CA10: variants seen among roughly 807,000 people sequenced by gnomAD.
CA10 encodes the protein carbonic anhydrase-related protein 10.
A neutral mutation model predicts 44.2 loss-of-function variants in CA10; 14 were observed. The observed-to-expected ratio is 0.32, with a 90% CI of 0.21 to 0.50. CA10 has a LOEUF of 0.50. CA10 is among the 20% of genes least tolerant of loss of function. The pLI, the probability that CA10 is intolerant of heterozygous loss-of-function variation, is 0.99. For synonymous variants in CA10, 159 were observed against 141.6 expected (o/e 1.12, Z -0.87); for missense variants, 350 against 409.7 (o/e 0.85, Z 1.26).
At chr17:51,913,520 G>A (rs1003711702) in intron 3 of CA10, among the ~76,000 whole-genome samples, 3 of 152,168 alleles carry the variant, frequency 2.0e-5, no homozygotes, top group Admixed American at 2.0e-4. Context: ...CTCGAAAGAA[G>A]ACTAAAGTCC....
chr17:52,003,351 A>C (rs1230002923), intron 2 of CA10, among the ~76,000 whole-genome samples: 5 of 151,854 alleles, frequency 3.3e-5, no homozygotes, highest in Non-Finnish European at 7.4e-5. Flanking sequence ...GGTTCCCATA[A>C]TACCTTATCA....
chr17:51,670,214 G>C (rs1914365190), intron 4 of CA10, among the ~76,000 whole-genome samples: 1 of 152,184 alleles, frequency 6.6e-6, no homozygotes, highest in African/African-American at 2.4e-5. Flanking sequence ...CAATTTAAAA[G>C]AATTATAGTA....
At chr17:52,018,363 C>A (rs367943534) in intron 2 of CA10, among the ~76,000 whole-genome samples, 1 of 152,234 alleles carries the variant, frequency 6.6e-6, no homozygotes, top group African/African-American at 2.4e-5. Flanking sequence ...CTGTACCCTG[C>A]AAAGCCATAG....
chr17:52,054,685 T>C (rs1280454923), intron 2 of CA10, among the ~76,000 whole-genome samples: 1 of 151,994 alleles, frequency 6.6e-6, no homozygotes, highest in Non-Finnish European at 1.5e-5. Context: ...CTCTCTTTTG[T>C]ACTCTTTCCC....
intron 3 of CA10, among the ~76,000 whole-genome samples, chr17:51,828,526 T>TA (rs530080524): frequency 3.5e-4 from 53 of 150,506 alleles, no homozygotes; most frequent in East Asian, 2.1e-3. Flanking sequence ...GGGTAGATAC[T>TA]AAAAAAAAAA....
At chr17:51,964,125 G>A (rs192555130) in intron 2 of CA10, among the ~76,000 whole-genome samples, 9 of 151,862 alleles carry the variant, frequency 5.9e-5, no homozygotes, top group African/African-American at 9.6e-5. Context: ...CTTAAATTGC[G>A]TAAAACAGAC....
intron 2 of CA10, among the ~76,000 whole-genome samples, chr17:52,015,143 C>A (rs886704537): frequency 2.0e-5 from 3 of 151,992 alleles, no homozygotes; most frequent in Admixed American, 6.6e-5. Flanking sequence ...CAAGAAAACA[C>A]AGAACACAAA....
chr17:51,857,630 T>C (rs904617750), intron 3 of CA10, among the ~76,000 whole-genome samples: 6 of 152,090 alleles, frequency 3.9e-5, no homozygotes, highest in Non-Finnish European at 7.4e-5. Context: ...CAACAAACTA[T>C]TAGCAAAAAA....
chr17:52,123,033 T>C (rs935419168), intron 1 of CA10, among the ~76,000 whole-genome samples: 1 of 152,180 alleles, frequency 6.6e-6, no homozygotes, highest in African/African-American at 2.4e-5. Context: ...TATCTGAATT[T>C]GCCAATCATA....
At chr17:51,904,794 A>G (rs1981471745) in intron 3 of CA10, among the ~76,000 whole-genome samples, 1 of 151,960 alleles carries the variant, frequency 6.6e-6, no homozygotes, top group South Asian at 2.1e-4. Context: ...TCTGCTTCTC[A>G]TGCCTATCGG....
rs138795284 is a variant in CA10 at position 51,911,265 on chromosome 17, G to A, written c.279+19725C>T. On this transcript the variant is annotated intron_variant, in intron 3 of 8. Coordinates refer to ENST00000451037, the MANE Select transcript of CA10 (RefSeq NM_020178.5). ...GAAGACTCATGAGCAAGAAATACAC[G>A]CTGATGTTTTATACCACTGAGATTT... Among the ~76,000 whole-genome samples the A allele has an allele frequency of 8.9e-3, 1,348 of 152,172 alleles. 20 individuals are homozygous for A. Among genetic ancestry groups the A allele is most frequent in the African/African-American group, 0.026 (1,074 of 41,528 alleles).
chr17:52,126,413 AT>A (rs1438729332), intron 1 of CA10, among the ~76,000 whole-genome samples: 1 of 152,334 alleles, frequency 6.6e-6, no homozygotes, highest in African/African-American at 2.4e-5. Context: ...TCCATCAGTC[AT>A]TTAGATGTTT....
At chr17:51,907,480 G>GTA (rs1009121081) in intron 3 of CA10, among the ~76,000 whole-genome samples, 2 of 151,924 alleles carry the variant, frequency 1.3e-5, no homozygotes, top group Non-Finnish European at 2.9e-5. Flanking sequence ...ATATATGTGT[G>GTA]TATATATATC....
At position 51,649,203 on chromosome 17, in the gene CA10, T is replaced by C. The variant is rs767927757; in HGVS notation, c.613A>G (p.Ile205Val). The C allele has an allele frequency of 6.2e-7, 1 of 1,613,056 alleles. No individual in the cohort carries two copies. The highest frequency in any genetic ancestry group is 1.3e-5 in the African/African-American group (1 of 74,900). ...FLNRMLNRDT[I>V]TRITYKNDAY... Reference sequence around the variant, plus strand: ...TTACTTTTATATGTTATTCTTGTGATAGTATCTCTGTTGAGCATTCGATTA... The same window carrying C: ...TTACTTTTATATGTTATTCTTGTGACAGTATCTCTGTTGAGCATTCGATTA... Residue 205 changes from isoleucine (I) to valine (V), a missense_variant, in exon 6 of 9, where the codon ATC becomes GTC. Coordinates refer to ENST00000451037, the MANE Select transcript of CA10 (RefSeq NM_020178.5).
chr17:51,722,037 TAGG>T (rs1459374522), intron 4 of CA10, among the ~76,000 whole-genome samples: 2 of 152,140 alleles, frequency 1.3e-5, no homozygotes, highest in African/African-American at 4.8e-5. Flanking sequence ...GCCTCTGAAG[TAGG>T]AGGAGTCTGA....
At chr17:52,026,709 G>T (rs2144164309) in intron 2 of CA10, among the ~76,000 whole-genome samples, 1 of 152,230 alleles carries the variant, frequency 6.6e-6, no homozygotes, top group Admixed American at 6.5e-5. Context: ...AAAACCCTGA[G>T]ATTTCAAGAG....
At chr17:52,111,994 T>C (rs1005556485) in intron 1 of CA10, among the ~76,000 whole-genome samples, 3 of 152,186 alleles carry the variant, frequency 2.0e-5, no homozygotes, top group South Asian at 4.2e-4. Context: ...GAGTGGCCAA[T>C]AGATAACATA....
At chr17:51,787,800 G>T (rs969200687) in intron 3 of CA10, among the ~76,000 whole-genome samples, 5 of 152,254 alleles carry the variant, frequency 3.3e-5, no homozygotes, top group African/African-American at 1.2e-4. Context: ...GGCCTCAGTG[G>T]TATCAGTTTT....
chr17:51,889,276 C>G (rs950788933), intron 3 of CA10, among the ~76,000 whole-genome samples: 1 of 152,140 alleles, frequency 6.6e-6, no homozygotes, highest in African/African-American at 2.4e-5. Context: ...CATCCTAACA[C>G]TTTGGGAGGC....
Sources: gnomAD v4.1 joint callset for allele counts (sites outside exome capture counted in the v4.1 genomes callset) on GRCh38, gnomAD v4.1.1 for gene constraint, MANE v1.5 for transcripts, NCBI Gene and HGNC (gene_info 2026-07-23, HGNC 2026-07-21) for gene names.